SLC35E3: variants seen among roughly 807,000 people sequenced by gnomAD.
SLC35E3 encodes the protein solute carrier family 35 member E3.
Under a neutral mutation model 30.8 loss-of-function variants are expected in SLC35E3, and 28 were observed. The observed-to-expected ratio is 0.91, with a 90% CI of 0.67 to 1.25. SLC35E3 has a LOEUF of 1.25. Among genes scored for constraint, SLC35E3 ranks in the 50% most tolerant of loss-of-function variants. The probability of loss-of-function intolerance (pLI) is 0.00; values close to 1 mark genes in which losing one functional copy is unlikely to be tolerated. For missense variants in SLC35E3, 365 were observed against 375.4 expected (o/e 0.97, Z 0.23); for synonymous variants, 146 against 149.2 (o/e 0.98, Z 0.16).
rs1012234816 is a variant in SLC35E3 at position 68,773,090 on chromosome 12, T to C, written c.*8200T>C. 1 of 152,226 alleles carries C rather than the reference T, an allele frequency of 6.6e-6. No individual in the cohort carries two copies. Among genetic ancestry groups the C allele is most frequent in the African/African-American group, 2.4e-5 (1 of 41,446 alleles). The allele number at this position is 152,226 out of a possible 1,614,324, so 9.4% of individuals were successfully genotyped here. A position where few individuals can be genotyped will look rare whatever the true frequency, so the allele number is the denominator to read the frequency against. On this transcript the variant is annotated 3_prime_UTR_variant, in exon 5 of 5. Coordinates refer to ENST00000398004, the MANE Select transcript of SLC35E3 (RefSeq NM_018656.5). ...ATTTTGTTATCCGTGCTTGGGGCGG[T>C]GACCCTTGACCCCATTCCTATTTAA...
Position 68,769,183 on chromosome 12 carries a change from A to C in SLC35E3, c.*4293A>C, listed in dbSNP as rs938887552. On this transcript the variant is annotated 3_prime_UTR_variant, in exon 5 of 5. Coordinates refer to ENST00000398004, the MANE Select transcript of SLC35E3 (RefSeq NM_018656.5). ...CTTGAACCCGGGAGGCGGAGGTTGC[A>C]GTGAGCCGAGATCACGCCACTGCAC... 2 of 151,916 alleles carry C rather than the reference A, an allele frequency of 1.3e-5. No individual in the cohort carries two copies. The highest frequency in any genetic ancestry group is 2.9e-5 in the Non-Finnish European group (2 of 68,066). 9.4% of individuals were successfully genotyped at this position (151,916 alleles called of 1,614,324 possible).
rs141368775 is a variant in SLC35E3, at chr12:68,762,830, T to G, written c.756-1874T>G. ...TCACCTTCATGGGATCAAGCCACCA[T>G]ATGCCCCTGGTGACGCAGCCTGTGC... On this transcript the variant is annotated intron_variant, in intron 4 of 4. Coordinates refer to ENST00000398004, the MANE Select transcript of SLC35E3 (RefSeq NM_018656.5). Among the ~76,000 whole-genome samples the G allele has an allele frequency of 8.5e-3, 1,292 of 152,292 alleles. 21 individuals are homozygous for G. Among genetic ancestry groups the G allele is most frequent in the African/African-American group, 0.03 (1,244 of 41,570 alleles).
chr12:68,759,064 T>A (rs1192770891), intron 3 of SLC35E3, 93 bp from the exon 4 acceptor site: 1 of 971,872 alleles, frequency 1.0e-6, no homozygotes, highest in Non-Finnish European at 1.6e-6. Flanking sequence ...TGGTTGATAT[T>A]TGAATTTTTT....
rs1879821829 is a variant in SLC35E3 at position 68,779,199 on chromosome 12, G to C, written c.*14309G>C. 6.6e-6 allele frequency: 1 copy of C among 152,278 alleles called. No individual in the cohort carries two copies. Among genetic ancestry groups the C allele is most frequent in the African/African-American group, 2.4e-5 (1 of 41,456 alleles). The allele number at this position is 152,278 out of a possible 1,614,324, so 9.4% of individuals were successfully genotyped here. ...GCAGGCACAATCATAGTGCACTGCA[G>C]CCCTGAACTCCTTGGCTCAAGTAAT... On this transcript the variant is annotated 3_prime_UTR_variant, in exon 5 of 5. Transcript: ENST00000398004.
chr12:68,751,995 C>A (rs752726203), intron 2 of SLC35E3, 37 bp from the exon 3 acceptor site: 2 of 1,540,572 alleles, frequency 1.3e-6, no homozygotes, highest in East Asian at 4.6e-5. Context: ...GATACTATTT[C>A]TTTTGTGCCA....
Position 68,764,952 on chromosome 12 carries a change from A to T in SLC35E3, c.*62A>T. 6.5e-7 allele frequency: 1 copy of T among 1,534,850 alleles called. No homozygotes were observed. Among genetic ancestry groups the T allele is most frequent in the Non-Finnish European group, 8.8e-7 (1 of 1,135,516 alleles). ...AGATAAAAAATATTGTTAAGTGTGC[A>T]AGTTATTAAAAAAAAAAAATTGGGC... On this transcript the variant is annotated 3_prime_UTR_variant, in exon 5 of 5. Transcript: ENST00000398004.
intron 4 of SLC35E3, among the ~76,000 whole-genome samples, chr12:68,761,181 A>G (rs1391333133): frequency 6.6e-6 from 1 of 152,226 alleles, no homozygotes; most frequent in Non-Finnish European, 1.5e-5. Flanking sequence ...TGTAAGGACT[A>G]TTAAACTGAG....
chr12:68,773,715 T>A lies in SLC35E3; in HGVS notation c.*8825T>A, dbSNP rs1428142316. ...CCGCGCCTGGAGTTTAAAAGCAAGA[T>A]TAACCTTTTTGGACTGGAGTTCTTA... On this transcript the variant is annotated 3_prime_UTR_variant, in exon 5 of 5. Transcript: ENST00000398004. The A allele has an allele frequency of 6.6e-6, 1 of 152,158 alleles. No homozygotes were observed. The highest frequency in any genetic ancestry group is 2.4e-5 in the African/African-American group (1 of 41,434). 9.4% of individuals were successfully genotyped at this position (152,158 alleles called of 1,614,324 possible).
intron 3 of SLC35E3, among the ~76,000 whole-genome samples, chr12:68,758,031 G>T (rs1453740679): frequency 1.3e-5 from 2 of 151,816 alleles, no homozygotes; most frequent in South Asian, 2.1e-4. Flanking sequence ...GGCAGAAGTT[G>T]CAGTGAGTCA....
In SLC35E3 at chr12:68,776,246, C is replaced by G. The variant is rs566533403; in HGVS notation, c.*11356C>G. The G allele has an allele frequency of 2.9e-5, 2 of 69,646 alleles. No individual in the cohort carries two copies. Among genetic ancestry groups the G allele is most frequent in the East Asian group, 3.3e-4 (1 of 3,064 alleles). 4.3% of individuals were successfully genotyped at this position (69,646 alleles called of 1,614,324 possible). ...AAAAAAGGCCAGGCATGATGACTCA[C>G]GCCTGTAATCCCAGCGATTTGGGAG... On this transcript the variant is annotated 3_prime_UTR_variant, in exon 5 of 5. Coordinates refer to ENST00000398004, the MANE Select transcript of SLC35E3 (RefSeq NM_018656.5).
intron 3 of SLC35E3, among the ~76,000 whole-genome samples, chr12:68,758,360 C>T (rs1305182139): frequency 1.3e-5 from 2 of 151,760 alleles, no homozygotes; most frequent in African/African-American, 4.8e-5. Flanking sequence ...GTGGAGGTTG[C>T]AGTGAGCCCA....
chr12:68,748,091 T>C (rs1412619681), intron 2 of SLC35E3, 51 bp downstream of exon 2: 2 of 1,053,636 alleles, frequency 1.9e-6, no homozygotes, highest in African/African-American at 3.2e-5. Flanking sequence ...TTCATAAATT[T>C]TGAAGCTGTA....
At chr12:68,751,288 A>C (rs1156944788) in intron 2 of SLC35E3, among the ~76,000 whole-genome samples, 4 of 137,466 alleles carry the variant, frequency 2.9e-5, no homozygotes, top group Admixed American at 7.5e-5. Flanking sequence ...GTGTCCCCCC[A>C]ACCTCTGTCT....
Position 68,746,234 on chromosome 12 carries a change from C to T in SLC35E3, c.-144C>T. ...TGTGTCCTCTGTTAAGAGTGCTACT[C>T]GCCCGGGGTTGATCTGTGCATGCCA... is the stretch of plus-strand genomic sequence containing the variant. On this transcript the variant is annotated 5_prime_UTR_variant, in exon 1 of 5. Transcript: ENST00000398004. 1 of 728,048 alleles carries T rather than the reference C, an allele frequency of 1.4e-6. No individual in the cohort carries two copies. The highest frequency in any genetic ancestry group is 1.9e-5 in the South Asian group (1 of 51,846). 45.1% of individuals were successfully genotyped at this position (728,048 alleles called of 1,614,324 possible). A position where few individuals can be genotyped will look rare whatever the true frequency, so the allele number is the denominator to read the frequency against.
intron 1 of SLC35E3, among the ~76,000 whole-genome samples, chr12:68,747,663 T>C (rs957334871): frequency 6.6e-6 from 1 of 152,280 alleles, no homozygotes; most frequent in African/African-American, 2.4e-5. Flanking sequence ...TTTGTATTCA[T>C]GTGGTATTTT....
At chr12:68,755,048 G>A (rs1878951888) in intron 3 of SLC35E3, among the ~76,000 whole-genome samples, 2 of 152,126 alleles carry the variant, frequency 1.3e-5, no homozygotes, top group African/African-American at 4.8e-5. Context: ...CTTGGTGAAG[G>A]CTCTTTTCCT....
chr12:68,775,935 C>G lies in SLC35E3; in HGVS notation c.*11045C>G. On this transcript the variant is annotated 3_prime_UTR_variant, in exon 5 of 5. Transcript: ENST00000398004. ...TACACTCCAGCCTGGGTGACAAGAG[C>G]GAAACTCTGTCTCAAAAAAAAAAAA... 1 of 89,936 alleles carries G rather than the reference C, an allele frequency of 1.1e-5. No homozygotes were observed. Among genetic ancestry groups the G allele is most frequent in the South Asian group, 4.2e-4 (1 of 2,370 alleles). The allele number at this position is 89,936 out of a possible 1,614,324, so 5.6% of individuals were successfully genotyped here.
chr12:68,777,536 C>T lies in SLC35E3; in HGVS notation c.*12646C>T, dbSNP rs1043530097. ...AGAGAGGAAAGACAAGGGCTGTTAC[C>T]ATGGAGTTCTTGAATTTCATTATTT... On this transcript the variant is annotated 3_prime_UTR_variant, in exon 5 of 5. Coordinates refer to ENST00000398004, the MANE Select transcript of SLC35E3 (RefSeq NM_018656.5). 1.3e-5 allele frequency: 2 copies of T among 152,212 alleles called. No homozygotes were observed. The highest frequency in any genetic ancestry group is 2.9e-5 in the Non-Finnish European group (2 of 68,064). The allele number at this position is 152,212 out of a possible 1,614,324, so 9.4% of individuals were successfully genotyped here.
In SLC35E3 at chr12:68,770,874, T is replaced by G. The variant is rs1476922659; in HGVS notation, c.*5984T>G. On this transcript the variant is annotated 3_prime_UTR_variant, in exon 5 of 5. Coordinates refer to ENST00000398004, the MANE Select transcript of SLC35E3 (RefSeq NM_018656.5). ...TCACACATGTCTGATTTGCGCAGCT[T>G]GATAGAGAATGGTGCCATTCTCTGA... The G allele has an allele frequency of 1.2e-5, 2 of 171,682 alleles. No homozygotes were observed. The highest frequency in any genetic ancestry group is 2.5e-5 in the Non-Finnish European group (2 of 79,408). The allele number at this position is 171,682 out of a possible 1,614,324, so 10.6% of individuals were successfully genotyped here. A position where few individuals can be genotyped will look rare whatever the true frequency, so the allele number is the denominator to read the frequency against.
Sources: gnomAD v4.1 joint callset for allele counts (sites outside exome capture counted in the v4.1 genomes callset) on GRCh38, gnomAD v4.1.1 for gene constraint, MANE v1.5 for transcripts, NCBI Gene and HGNC (gene_info 2026-07-23, HGNC 2026-07-21) for gene names.